The following MYO15A variants were observed in gnomAD, a reference collection of about 807,000 sequenced individuals.
MYO15A encodes the protein unconventional myosin-XV.
In MYO15A, 308 loss-of-function variants were observed where a neutral mutation model predicts 394.6. That is an observed-to-expected ratio of 0.78 (90% confidence interval 0.71 to 0.86). The LOEUF is 0.86. MYO15A is among the 40% of genes least tolerant of loss of function. MYO15A has a pLI of 0.00. For missense variants in MYO15A, 4,606 were observed against 4,799.1 expected (o/e 0.96, Z 1.19); for synonymous variants, 1,957 against 2,003.8 (o/e 0.98, Z 0.62).
chr17:18,142,344 C>A, intron 24 of MYO15A, 90 bp downstream of exon 24: 2 of 1,446,762 alleles, frequency 1.4e-6, no homozygotes, highest in South Asian at 1.2e-5. Context: ...GCTCCCTATC[C>A]CTGGAGGCAT....
At chr17:18,113,562 C>G (rs988913584) in intron 1 of MYO15A, among the ~76,000 whole-genome samples, 3 of 152,024 alleles carry the variant, frequency 2.0e-5, no homozygotes, top group East Asian at 1.9e-4. Flanking sequence ...AGTTCAAGAC[C>G]AGCCCGGCCA....
At chr17:18,177,797 C>T (rs1298519087) in intron 65 of MYO15A, 1 of 152,232 alleles carries the variant, frequency 6.6e-6, no homozygotes, top group African/African-American at 2.4e-5. Flanking sequence ...AGGACAAGGC[C>T]TGGCACACAG....
chr17:18,138,293 A>G (rs1292022928), intron 17 of MYO15A, 47 bp downstream of exon 17: 2 of 1,598,400 alleles, frequency 1.3e-6, no homozygotes, highest in Admixed American at 3.4e-5. Context: ...CAGATCTCTC[A>G]GCCTCATGTC....
chr17:18,178,852 C>G lies in MYO15A; in HGVS notation c.10575C>G (p.Ser3525Arg), dbSNP rs201070092. The G allele has an allele frequency of 1.7e-5, 28 of 1,613,188 alleles. No individual in the cohort carries two copies. The highest frequency in any genetic ancestry group is 2.3e-5 in the Non-Finnish European group (27 of 1,180,000). ...AGAAGCGGCTCACATTGCCCCCCAGCGAGATCACCCTGCTCTGACCCAGCC... is the reference window on the plus strand; with the variant it reads ...AGAAGCGGCTCACATTGCCCCCCAGGGAGATCACCCTGCTCTGACCCAGCC... The part of the protein sequence containing the change: ...AHEKRLTLPP[S>R]EITLL Residue 3525 changes from serine (S) to arginine (R), a missense_variant, in exon 66 of 66, where the codon AGC (serine) becomes AGG (arginine). Around this residue, in one of 2 missense-constraint regions of MYO15A, gnomAD observed 2,776 missense variants for 3,109.3 expected, o/e 0.89. Coordinates refer to ENST00000647165, the MANE Select transcript of MYO15A (RefSeq NM_016239.4).
rs1410757042 is a variant in MYO15A, at chr17:18,136,445, C to T, written c.4625C>T (p.Pro1542Leu). ...ACAATGCGAGAGAAGATCTTCACGC[C>T]CCTAACTGTGGAGAGCGCTGTGGAT... ...TETMREKIFT[P>L]LTVESAVDAR... Residue 1542 changes from proline to leucine, a missense_variant, in exon 14 of 66, where the codon CCC becomes CTC. Physicochemically the swap from Pro to Leu is moderately conservative, Grantham distance 98 (BLOSUM62 -3). Transcript: ENST00000647165. The T allele has an allele frequency of 3.1e-6, 5 of 1,613,732 alleles. No homozygotes were observed. In the Admixed American group the frequency reaches 8.3e-5, roughly 27 times the overall value.
Position 18,130,825 on chromosome 17 carries a change from TG to T in MYO15A, c.4038+16del. 1 of 1,209,280 alleles carries T rather than the reference TG, an allele frequency of 8.3e-7. No individual in the cohort carries two copies. Among genetic ancestry groups the T allele is most frequent in the Non-Finnish European group, 1.1e-6 (1 of 875,248 alleles). The allele number at this position is 1,209,280 out of a possible 1,614,324, so 74.9% of individuals were successfully genotyped here. ...TGAAGATAAAGGTACTCAGTGTGTGTGTGTGTGTGTGTGTGTGTGTGTGTGT... is the reference window on the plus strand; with the variant it reads ...TGAAGATAAAGGTACTCAGTGTGTGTTGTGTGTGTGTGTGTGTGTGTGTGT... On this transcript the variant is annotated intron_variant, in intron 8 of 65. Coordinates refer to ENST00000647165, the MANE Select transcript of MYO15A (RefSeq NM_016239.4).
At chr17:18,136,088 C>T (rs1260081114) in intron 13 of MYO15A, among the ~76,000 whole-genome samples, 3 of 152,212 alleles carry the variant, frequency 2.0e-5, no homozygotes, top group African/African-American at 7.2e-5. Context: ...GGTATCCCCT[C>T]CTCTAAGAAG....
rs116115111 is a variant in MYO15A at position 18,167,761 on chromosome 17, G to A, written c.10082+38G>A. ...CCTCCTGCCTCAGCTGGGGTGGACA[G>A]GCAACCCTGCCCTCTCAGCCCACCT... On this transcript the variant is annotated intron_variant, in intron 62 of 65. Transcript: ENST00000647165. 1,670 of 1,600,096 alleles carry A rather than the reference G, an allele frequency of 1.0e-3. 11 individuals are homozygous for A. The African/African-American group carries it at 0.019, about 18-fold the overall frequency.
chr17:18,154,242 G>A, intron 44 of MYO15A, 52 bp downstream of exon 44: 3 of 1,601,402 alleles, frequency 1.9e-6, no homozygotes, highest in South Asian at 2.2e-5. Context: ...GGGCTGTGTG[G>A]ACGCAAAGAT....
At position 18,120,590 on chromosome 17, in the gene MYO15A, C is replaced by T; in HGVS notation, c.1790C>T (p.Ala597Val). ...ARLRGSQKARAGGPAVREAAY... is the reference protein window; with the variant it reads ...ARLRGSQKARVGGPAVREAAY... The stretch of plus-strand genomic sequence containing the variant: ...CTCAGGGGCAGCCAGAAGGCCCGGG[C>T]GGGCGGCCCTGCTGTCAGGGAGGCG... Residue 597 changes from alanine to valine, a missense_variant, in exon 2 of 66, where the codon GCG becomes GTG. Coordinates refer to ENST00000647165, the MANE Select transcript of MYO15A (RefSeq NM_016239.4). 6.3e-7 allele frequency: 1 copy of T among 1,597,494 alleles called. No individual in the cohort carries two copies. The highest frequency in any genetic ancestry group is 8.5e-7 in the Non-Finnish European group (1 of 1,174,306).
At chr17:18,173,186 A>G (rs1025483846) in intron 64 of MYO15A, among the ~76,000 whole-genome samples, 10 of 152,158 alleles carry the variant, frequency 6.6e-5, no homozygotes, top group Non-Finnish European at 1.2e-4. Context: ...TGGGGTGTCC[A>G]TTCAACACTT....
chr17:18,161,081 G>C, intron 56 of MYO15A: 1 of 676,228 alleles, frequency 1.5e-6, no homozygotes, highest in Admixed American at 2.1e-5. Flanking sequence ...GGAAAGAGTC[G>C]CAGTGCTTCC....
chr17:18,149,950 C>CAA (rs369728454), intron 35 of MYO15A: 55,706 of 124,052 alleles, frequency 0.45, 12,431 homozygotes, highest in Admixed American at 0.51. Flanking sequence ...GACCCTGTCT[C>CAA]AAAAAAAAAA....
intron 62 of MYO15A, among the ~76,000 whole-genome samples, chr17:18,168,965 T>C (rs1280009823): frequency 6.7e-6 from 1 of 149,060 alleles, no homozygotes; most frequent in African/African-American, 2.5e-5. Context: ...AAAAAAAAAT[T>C]AGCCAGAGGT....
At chr17:18,163,988 G>A in intron 60 of MYO15A, 150 bp downstream of exon 60, 1 of 773,214 alleles carries the variant, frequency 1.3e-6, no homozygotes, top group South Asian at 1.5e-5. Flanking sequence ...ATCTCTGTGT[G>A]TACCAAGCAC....
rs1210598680 is a variant in MYO15A at position 18,162,651 on chromosome 17, C to G, written c.9584C>G (p.Pro3195Arg). ...TLRFGGRLEL[P>R]SSIELRAMLA... ...CGCTTCGGAGGTCGTCTGGAGCTCC[C>G]CAGCAGCATAGAGCTTCGGGCCATG... Residue 3195 changes from proline to arginine, a missense_variant, in exon 58 of 66, where the codon CCC becomes CGC. Pro to Arg is a moderately radical substitution (Grantham distance 103, BLOSUM62 -2). This residue lies in a region of MYO15A where 2,776 missense variants were observed against 3,109.3 expected (regional missense o/e 0.89). Coordinates refer to ENST00000647165, the MANE Select transcript of MYO15A (RefSeq NM_016239.4). 6.2e-7 allele frequency: 1 copy of G among 1,614,102 alleles called. No homozygotes were observed. Among genetic ancestry groups the G allele is most frequent in the Non-Finnish European group, 8.5e-7 (1 of 1,179,996 alleles).
At chr17:18,163,445 C>A in intron 59 of MYO15A, 124 bp downstream of exon 59, 3 of 1,044,078 alleles carry the variant, frequency 2.9e-6, no homozygotes, top group Non-Finnish European at 4.4e-6. Flanking sequence ...TCTCCCACAG[C>A]CCCACAAGGC....
Position 18,143,944 on chromosome 17 carries a change from C to T in MYO15A, c.6121C>T (p.Leu2041=). The change falls in exon 28 of 66, where the codon CTG becomes TTG. Residue 2041 remains leucine, a synonymous_variant. Coordinates refer to ENST00000647165, the MANE Select transcript of MYO15A (RefSeq NM_016239.4). ...PRLQAEPRVT[L]PLDINNYPMA... ...ACTCCAGGCTGAGCCCCGTGTCACA[C>T]TGCCCCTGGACATCAACAACTATCC... The T allele has an allele frequency of 6.2e-7, 1 of 1,612,236 alleles. No individual in the cohort carries two copies. Among genetic ancestry groups the T allele is most frequent in the Non-Finnish European group, 8.5e-7 (1 of 1,179,454 alleles).
At position 18,156,225 on chromosome 17, in the gene MYO15A, C is replaced by T; in HGVS notation, c.8490C>T (p.Pro2830=). 1.2e-6 allele frequency: 2 copies of T among 1,614,196 alleles called. No homozygotes were observed. Among genetic ancestry groups the T allele is most frequent in the Non-Finnish European group, 8.5e-7 (1 of 1,180,026 alleles). ...CAGATATCCTGTTTGTGACCATGCC[C>T]TCCCAGAACATGCTGGAGTTCAACC... ...SFADILFVTM[P]SQNMLEFNLA... The change falls in exon 48 of 66, where the codon CCC becomes CCT. Residue 2830 remains proline, a synonymous_variant. Coordinates refer to ENST00000647165, the MANE Select transcript of MYO15A (RefSeq NM_016239.4).
Sources: gnomAD v4.1 joint callset for allele counts (sites outside exome capture counted in the v4.1 genomes callset) on GRCh38, gnomAD v4.1.1 for gene constraint, gnomAD v4.1.1 regional missense constraint, MANE v1.5 for transcripts, NCBI Gene and HGNC (gene_info 2026-07-23, HGNC 2026-07-21) for gene names.